The following BARD1 variants were observed in gnomAD, a reference collection of about 807,000 sequenced individuals.
BARD1 encodes BRCA1 associated RING domain 1.
In BARD1, 73 loss-of-function variants were observed where a neutral mutation model predicts 77.0. The ratio of observed to expected loss-of-function variants is 0.95; its 90% confidence interval spans 0.79 to 1.15. The LOEUF is 1.15. BARD1 is among the 50% of genes most tolerant of loss of function. The pLI, the probability that BARD1 is intolerant of heterozygous loss-of-function variation, is 0.00. For missense variants in BARD1, 993 were observed against 938.8 expected (o/e 1.06, Z -0.75); for synonymous variants, 384 against 338.0 (o/e 1.14, Z -1.49).
At position 214,742,460 on chromosome 2, in the gene BARD1, AG is replaced by A. The variant is rs535952262; in HGVS notation, c.1903+2606del. Among the ~76,000 whole-genome samples, 427 of 152,352 alleles carry A rather than the reference AG, an allele frequency of 2.8e-3. 4 individuals are homozygous for A. Among genetic ancestry groups the A allele is most frequent in the African/African-American group, 9.8e-3 (409 of 41,580 alleles). On this transcript the variant is annotated intron_variant, in intron 9 of 10. Coordinates refer to ENST00000260947, the MANE Select transcript of BARD1 (RefSeq NM_000465.4). Reference sequence around the variant, plus strand: ...TTTTGTAAACCCAGTGACTATTTAAAGGAAGTATCTCAAACTTTGAATCTGT... The same window carrying A: ...TTTTGTAAACCCAGTGACTATTTAAAGAAGTATCTCAAACTTTGAATCTGT...
At position 214,808,471 on chromosome 2, in the gene BARD1, T is replaced by G. The variant is rs1451080703; in HGVS notation, c.158+941A>C. Among the ~76,000 whole-genome samples the G allele has an allele frequency of 2.8e-5, 4 of 142,438 alleles. No individual in the cohort carries two copies. In the South Asian group the frequency reaches 6.9e-4, roughly 24 times the overall value. The allele number at this position is 142,438 out of a possible 152,430, so 93.4% of individuals were successfully genotyped here. On this transcript the variant is annotated intron_variant, in intron 1 of 10. Transcript: ENST00000260947. ...CTTTATGCAACTAGGTAACTTAAGT[T>G]CTGCAAGTTAGAAATCAAAGGGGAA...
chr2:214,774,121 C>T (rs1694637723), intron 4 of BARD1, among the ~76,000 whole-genome samples: 1 of 152,210 alleles, frequency 6.6e-6, no homozygotes. Context: ...GGCTCCACTT[C>T]TAATTCTAGT....
intron 6 of BARD1, among the ~76,000 whole-genome samples, chr2:214,762,624 C>T (rs6755707): frequency 1 from 152,155 of 152,304 alleles, 76,004 homozygotes; most frequent in Non-Finnish European, 1. Flanking sequence ...AATTCCTAAA[C>T]AAAAACCTAG....
chr2:214,732,078 T>C (rs1255170701), intron 9 of BARD1, among the ~76,000 whole-genome samples: 3 of 152,230 alleles, frequency 2.0e-5, no homozygotes, highest in Non-Finnish European at 4.4e-5. Flanking sequence ...CATAAACATA[T>C]ACTTTATATT....
chr2:214,784,964 G>A lies in BARD1; in HGVS notation c.365-3455C>T, dbSNP rs1023905492. Among the ~76,000 whole-genome samples, 11 of 151,524 alleles carry A rather than the reference G, an allele frequency of 7.3e-5. No individual in the cohort carries two copies. The East Asian group carries it at 2.1e-3, about 30-fold the overall frequency. The stretch of plus-strand genomic sequence containing the variant: ...TGGGTGCAGCAAACCACCACGGCAT[G>A]TGTAAACCTATGTAACAAACCTGCA... On this transcript the variant is annotated intron_variant, in intron 3 of 10. Transcript: ENST00000260947.
chr2:214,793,299 T>C (rs1480153603), intron 2 of BARD1, among the ~76,000 whole-genome samples: 1 of 152,190 alleles, frequency 6.6e-6, no homozygotes, highest in East Asian at 1.9e-4. Flanking sequence ...AATTCTTGTA[T>C]CCTTGGCTTC....
intron 2 of BARD1, among the ~76,000 whole-genome samples, chr2:214,795,512 G>A (rs748189480): frequency 4.6e-5 from 7 of 152,098 alleles, no homozygotes; most frequent in Non-Finnish European, 7.4e-5. Flanking sequence ...GGATATTATC[G>A]TGATTTTTCA....
Position 214,809,655 on chromosome 2 carries a change from T to C in BARD1, c.-86A>G. ...CACAGGGAAGCTGCAGGCCAGCGAC[T>C]CGAAACCGGCCAAGCTCTTCCCGCG... On this transcript the variant is annotated 5_prime_UTR_variant, in exon 1 of 11. Coordinates refer to ENST00000260947, the MANE Select transcript of BARD1 (RefSeq NM_000465.4). The C allele has an allele frequency of 2.0e-6, 3 of 1,487,302 alleles. No individual in the cohort carries two copies. The highest frequency in any genetic ancestry group is 2.7e-6 in the Non-Finnish European group (3 of 1,107,146). The allele number at this position is 1,487,302 out of a possible 1,614,324, so 92.1% of individuals were successfully genotyped here.
chr2:214,800,181 G>T (rs1201216158), intron 1 of BARD1, among the ~76,000 whole-genome samples: 1 of 152,162 alleles, frequency 6.6e-6, no homozygotes, highest in African/African-American at 2.4e-5. Flanking sequence ...TAGCAATAAG[G>T]TGCTATCACA....
chr2:214,726,194 CT>C lies in BARD1; in HGVS notation c.*2481del. On this transcript the variant is annotated 3_prime_UTR_variant, in exon 11 of 11. Coordinates refer to ENST00000260947, the MANE Select transcript of BARD1 (RefSeq NM_000465.4). ...ATCATAATGCTAATATACTTCCCATCTGGTTTCTATTTTTCAGCAAGTCAAA... is the reference window on the plus strand; with the variant it reads ...ATCATAATGCTAATATACTTCCCATCGGTTTCTATTTTTCAGCAAGTCAAA... 1 of 211,936 alleles carries C rather than the reference CT, an allele frequency of 4.7e-6. No individual in the cohort carries two copies. Among genetic ancestry groups the C allele is most frequent in the Non-Finnish European group, 9.6e-6 (1 of 104,696 alleles). 13.1% of individuals were successfully genotyped at this position (211,936 alleles called of 1,614,324 possible).
At chr2:214,730,559 ATCTC>A (rs1268867271) in intron 9 of BARD1, 51 bp from the exon 10 acceptor site, 1 of 1,417,640 alleles carries the variant, frequency 7.1e-7, no homozygotes, top group African/African-American at 1.4e-5. Flanking sequence ...TGAGCACTAT[ATCTC>A]TCTCATTAAA....
chr2:214,782,897 A>G (rs1333073474), intron 3 of BARD1, among the ~76,000 whole-genome samples: 3 of 152,242 alleles, frequency 2.0e-5, no homozygotes, highest in African/African-American at 2.4e-5. Context: ...CCAAGAGGAA[A>G]TATATTGGCT....
At chr2:214,766,317 C>G (rs1694192261) in intron 6 of BARD1, among the ~76,000 whole-genome samples, 1 of 151,872 alleles carries the variant, frequency 6.6e-6, no homozygotes. Flanking sequence ...CTGCCCCGGC[C>G]CAATATTTAA....
chr2:214,780,399 G>A (rs557411888), intron 4 of BARD1, among the ~76,000 whole-genome samples, 161 bp downstream of exon 4: 98 of 152,312 alleles, frequency 6.4e-4, no homozygotes, highest in African/African-American at 2.3e-3. Flanking sequence ...CTGAAGTAGA[G>A]ATGCTCTCCC....
At position 214,728,846 on chromosome 2, in the gene BARD1, A is replaced by T. The variant is rs1553612144; in HGVS notation, c.2164T>A (p.Tyr722Asn). 4 of 1,614,212 alleles carry T rather than the reference A, an allele frequency of 2.5e-6. No homozygotes were observed. Among genetic ancestry groups the T allele is most frequent in the Non-Finnish European group, 3.4e-6 (4 of 1,180,034 alleles). Reference sequence around the variant, plus strand: ...TGATCAGAATCGGGTCTCGCATGGTATGCGACTGTATTGATGGTCTGAGTC... The same window carrying T: ...TGATCAGAATCGGGTCTCGCATGGTTTGCGACTGTATTGATGGTCTGAGTC... ...DVTQTINTVA[Y>N]HARPDSDQRF... The change falls in exon 11 of 11, where the codon TAC becomes AAC. Residue 722 changes from tyrosine (Y) to asparagine (N), a missense_variant. By Grantham distance (143) the Tyr-to-Asn change is moderately radical. Transcript: ENST00000260947.
At chr2:214,784,217 G>A (rs1016210711) in intron 3 of BARD1, among the ~76,000 whole-genome samples, 13 of 152,104 alleles carry the variant, frequency 8.5e-5, no homozygotes, top group East Asian at 3.9e-4. Context: ...AAAAGTGGGC[G>A]AAGGATATAA....
At chr2:214,742,422 G>T (rs975640759) in intron 9 of BARD1, among the ~76,000 whole-genome samples, 1 of 152,086 alleles carries the variant, frequency 6.6e-6, no homozygotes, top group African/African-American at 2.4e-5. Flanking sequence ...CTATTTGAAG[G>T]TTCTTGCCTT....
At chr2:214,797,169 T>C in intron 1 of BARD1, 52 bp from the exon 2 acceptor site, 9 of 1,389,858 alleles carry the variant, frequency 6.5e-6, no homozygotes, top group Non-Finnish European at 9.2e-6. Flanking sequence ...TAGATAAACA[T>C]CTCACACCCA....
At chr2:214,759,281 C>T (rs1693837888) in intron 6 of BARD1, among the ~76,000 whole-genome samples, 1 of 151,994 alleles carries the variant, frequency 6.6e-6, no homozygotes. Context: ...TTCTAAAATC[C>T]TACATATCCA....
Sources: gnomAD v4.1 joint callset for allele counts (sites outside exome capture counted in the v4.1 genomes callset) on GRCh38, gnomAD v4.1.1 for gene constraint, MANE v1.5 for transcripts, NCBI Gene and HGNC (gene_info 2026-07-23, HGNC 2026-07-21) for gene names.